Variants in GBP6 observed in about 807,000 individuals in gnomAD.
GBP6 encodes the protein guanylate binding protein family member 6.
A neutral mutation model predicts 61.5 loss-of-function variants in GBP6; 54 were observed. The ratio of observed to expected loss-of-function variants is 0.88; its 90% confidence interval spans 0.71 to 1.10. The LOEUF is 1.10. GBP6 is among the 50% of genes least tolerant of loss of function. The probability of loss-of-function intolerance (pLI) is 0.00; values close to 1 mark genes in which losing one functional copy is unlikely to be tolerated. For missense variants in GBP6, 748 were observed against 752.8 expected (o/e 0.99, Z 0.07); for synonymous variants, 255 against 273.7 (o/e 0.93, Z 0.67).
chr1:89,380,536 C>G lies in GBP6; in HGVS notation c.776C>G (p.Pro259Arg), dbSNP rs368045971. ...IEKVSEKQLD[P>R]KFQEQTNIFC... Reference sequence around the variant, plus strand: ...AAGGTGTCAGAAAAGCAACTGGATCCCAAATTCCAGGAACAAACAAACATT... The same window carrying G: ...AAGGTGTCAGAAAAGCAACTGGATCGCAAATTCCAGGAACAAACAAACATT... The change falls in exon 6 of 11, where the codon CCC (proline) becomes CGC (arginine). Residue 259 changes from proline (P) to arginine (R), a missense_variant. Transcript: ENST00000370456. 3.5e-5 allele frequency: 56 copies of G among 1,613,954 alleles called. No homozygotes were observed. The highest frequency in any genetic ancestry group is 4.6e-5 in the Non-Finnish European group (54 of 1,179,990).
At chr1:89,366,916 T>C (rs1254091649) in intron 1 of GBP6, among the ~76,000 whole-genome samples, 1 of 152,192 alleles carries the variant, frequency 6.6e-6, no homozygotes, top group Non-Finnish European at 1.5e-5. Context: ...TATTTGTTCT[T>C]TTGCGCCTGG....
At chr1:89,383,781 G>C (rs1411753301) in intron 9 of GBP6, 27 bp downstream of exon 9, 4 of 1,507,238 alleles carry the variant, frequency 2.7e-6, no homozygotes, top group Non-Finnish European at 3.6e-6. Context: ...AGCTTACACA[G>C]GAGGGGTACG....
intron 3 of GBP6, among the ~76,000 whole-genome samples, chr1:89,373,898 A>T: frequency 6.6e-6 from 1 of 152,008 alleles, no homozygotes; most frequent in South Asian, 2.1e-4. Context: ...CCCAAATCTC[A>T]TCTTGAATTG....
intron 5 of GBP6, 53 bp from the exon 6 acceptor site, chr1:89,380,333 C>G: frequency 6.4e-7 from 1 of 1,555,456 alleles, no homozygotes; most frequent in South Asian, 1.1e-5. Flanking sequence ...ACCTTTAGCT[C>G]CCTTATACCA....
intron 7 of GBP6, 89 bp downstream of exon 7, chr1:89,382,063 T>C (rs1166453113): frequency 7.9e-7 from 1 of 1,267,510 alleles, no homozygotes; most frequent in Admixed American, 2.3e-5. Flanking sequence ...TGCTCATCTG[T>C]CACTGAGGAA....
chr1:89,377,087 C>A (rs1188106295), intron 3 of GBP6, among the ~76,000 whole-genome samples: 2 of 152,178 alleles, frequency 1.3e-5, no homozygotes, highest in East Asian at 3.8e-4. Flanking sequence ...ATCTCTAGAT[C>A]TCAGTTTTTA....
At position 89,387,860 on chromosome 1, in the gene GBP6, G is replaced by A. The variant is rs981828176; in HGVS notation, c.*2391G>A. On this transcript the variant is annotated 3_prime_UTR_variant, in exon 11 of 11. Coordinates refer to ENST00000370456, the MANE Select transcript of GBP6 (RefSeq NM_198460.3). ...AGGCAGGAAAATCACTTGAACCTGG[G>A]AGGTGGAGGTTGCAGTGAGCCGAGA... 6.6e-6 allele frequency among the ~76,000 whole-genome samples: 1 copy of A among 152,216 alleles called. No homozygotes were observed. The highest frequency in any genetic ancestry group is 2.4e-5 in the African/African-American group (1 of 41,452).
intron 3 of GBP6, among the ~76,000 whole-genome samples, chr1:89,374,156 C>T (rs1182824989): frequency 6.6e-6 from 1 of 152,118 alleles, no homozygotes; most frequent in African/African-American, 2.4e-5. Context: ...GCCATGCTGA[C>T]CTGTGAGTCA....
chr1:89,380,923 AT>A (rs374621686), intron 6 of GBP6, among the ~76,000 whole-genome samples: 37 of 152,214 alleles, frequency 2.4e-4, no homozygotes, highest in African/African-American at 8.9e-4. Flanking sequence ...CTTAGGGGAA[AT>A]ATTTTCTAAG....
In GBP6 at chr1:89,375,901, TTCTA is replaced by T. The variant is rs1652795920; in HGVS notation, c.319-2197_319-2194del. On this transcript the variant is annotated intron_variant, in intron 3 of 10. Coordinates refer to ENST00000370456, the MANE Select transcript of GBP6 (RefSeq NM_198460.3). ...ACGGCTTCATATCTTTTTTTTCCCC[TTCTA>T]TCTAACTAAAATTTTGTATCCTTTG... is the stretch of plus-strand genomic sequence containing the variant. Among the ~76,000 whole-genome samples the T allele has an allele frequency of 5.3e-5, 8 of 152,234 alleles. 1 individual carries two copies. Among genetic ancestry groups the T allele is most frequent in the African/African-American group, 1.9e-4 (8 of 41,554 alleles).
intron 5 of GBP6, 30 bp downstream of exon 5, chr1:89,378,643 G>A: frequency 4.5e-6 from 7 of 1,551,016 alleles, no homozygotes; most frequent in Admixed American, 1.8e-5. Flanking sequence ...GCTGTGGGTG[G>A]TCCACTGGGT....
chr1:89,367,283 G>C (rs1409698703), intron 1 of GBP6, among the ~76,000 whole-genome samples: 1 of 152,130 alleles, frequency 6.6e-6, no homozygotes, highest in Admixed American at 6.5e-5. Context: ...AGTGCACACA[G>C]GTTCCAAATC....
chr1:89,378,385 C>A, intron 4 of GBP6, 32 bp from the exon 5 acceptor site: 2 of 1,589,444 alleles, frequency 1.3e-6, no homozygotes, highest in South Asian at 1.1e-5. Flanking sequence ...GAATTGTGGG[C>A]AGACAGTTGC....
At chr1:89,376,711 G>C (rs1434630300) in intron 3 of GBP6, among the ~76,000 whole-genome samples, 4 of 152,060 alleles carry the variant, frequency 2.6e-5, no homozygotes, top group Non-Finnish European at 5.9e-5. Context: ...TTGCGATTCT[G>C]TATTAATTTT....
chr1:89,381,880 T>G lies in GBP6; in HGVS notation c.1058T>G (p.Leu353Arg). ...CCCACAGACACGCTCCAGGAGCTGC[T>G]GGACATGCATGCGGCCTGTGAGAGG... is the stretch of plus-strand genomic sequence containing the variant. Reference protein sequence around the residue: ...KLPTDTLQELLDMHAACEREA... With the variant: ...KLPTDTLQELRDMHAACEREA... Residue 353 changes from leucine to arginine, a missense_variant, in exon 7 of 11, where the codon CTG becomes CGG. Transcript: ENST00000370456. 1 of 1,614,136 alleles carries G rather than the reference T, an allele frequency of 6.2e-7. No homozygotes were observed. Among genetic ancestry groups the G allele is most frequent in the Non-Finnish European group, 8.5e-7 (1 of 1,179,980 alleles).
intron 3 of GBP6, among the ~76,000 whole-genome samples, chr1:89,370,654 A>T (rs951790983): frequency 2.6e-5 from 4 of 152,030 alleles, no homozygotes. Flanking sequence ...AATTCTGTTT[A>T]TTTTTCTGCT....
chr1:89,381,220 G>T (rs1441238939), intron 6 of GBP6, among the ~76,000 whole-genome samples: 1 of 146,056 alleles, frequency 6.8e-6, no homozygotes, highest in Non-Finnish European at 1.5e-5. Context: ...GGGAGGCGGA[G>T]GTTGTAGTGA....
At position 89,387,117 on chromosome 1, in the gene GBP6, T is replaced by C. The variant is rs1381807591; in HGVS notation, c.*1648T>C. Among the ~76,000 whole-genome samples, 1 of 152,046 alleles carries C rather than the reference T, an allele frequency of 6.6e-6. No homozygotes were observed. The highest frequency in any genetic ancestry group is 1.5e-5 in the Non-Finnish European group (1 of 68,016). On this transcript the variant is annotated 3_prime_UTR_variant, in exon 11 of 11. Transcript: ENST00000370456. ...TTTCAGACCCTGAACTCAGTTGGAG[T>C]GGAGGGCAGTACCCCAGGAAAGGAC...
chr1:89,381,611 C>A, intron 6 of GBP6, 83 bp from the exon 7 acceptor site: 1 of 1,398,920 alleles, frequency 7.1e-7, no homozygotes, highest in East Asian at 2.3e-5. Flanking sequence ...TATGTAAGTG[C>A]ATGTGTGTGC....
Sources: gnomAD v4.1 joint callset for allele counts (sites outside exome capture counted in the v4.1 genomes callset) on GRCh38, gnomAD v4.1.1 for gene constraint, MANE v1.5 for transcripts, NCBI Gene and HGNC (gene_info 2026-07-23, HGNC 2026-07-21) for gene names.